The following BZW2 variants were observed in gnomAD, a reference collection of about 807,000 sequenced individuals.
The protein encoded by BZW2 is basic leucine zipper and W2 domains 2, also known as eIF5-mimic protein 1.
BZW2 carries 23 observed loss-of-function variants against 53.2 expected under a neutral mutation model. That is an observed-to-expected ratio of 0.43 (90% confidence interval 0.31 to 0.61). The LOEUF is 0.61. Among genes scored for constraint, BZW2 ranks in the 20% least tolerant of loss-of-function variants. The pLI, the probability that BZW2 is intolerant of heterozygous loss-of-function variation, is 0.09. For missense variants in BZW2, 409 were observed against 503.1 expected (o/e 0.81, Z 1.79); for synonymous variants, 227 against 186.4 (o/e 1.22, Z -1.77).
chr7:16,667,042 G>T (rs1205346533), intron 2 of BZW2, among the ~76,000 whole-genome samples: 2 of 152,162 alleles, frequency 1.3e-5, no homozygotes, highest in Admixed American at 6.5e-5. Context: ...CAACACTTTG[G>T]GAGGCCGAGG....
intron 6 of BZW2, among the ~76,000 whole-genome samples, chr7:16,688,171 A>C (rs553149845): frequency 6.6e-6 from 1 of 152,310 alleles, no homozygotes; most frequent in South Asian, 2.1e-4. Context: ...ATATAAGGAC[A>C]TGGATTTCTT....
Position 16,660,430 on chromosome 7 carries a change from C to T in BZW2, c.-7-5007C>T, listed in dbSNP as rs186601181. Reference sequence around the variant, plus strand: ...AAAAAAAAAAAAAGGTCTTTTTTTCCTAAAGTCTTAAACAGTATTGACTGC... The same window carrying T: ...AAAAAAAAAAAAAGGTCTTTTTTTCTTAAAGTCTTAAACAGTATTGACTGC... On this transcript the variant is annotated intron_variant, in intron 1 of 11. Transcript: ENST00000258761. Among the ~76,000 whole-genome samples, 395 of 149,818 alleles carry T rather than the reference C, an allele frequency of 2.6e-3. 2 individuals are homozygous for T. The highest frequency in any genetic ancestry group is 9.2e-3 in the African/African-American group (378 of 40,910).
intron 2 of BZW2, among the ~76,000 whole-genome samples, chr7:16,670,596 A>C (rs942885518): frequency 6.6e-6 from 1 of 152,182 alleles, no homozygotes; most frequent in African/African-American, 2.4e-5. Context: ...TCTTTTTTCA[A>C]CAAGGAAGGA....
intron 2 of BZW2, 21 bp from the exon 3 acceptor site, chr7:16,674,379 ATTTGACTGTTAT>A: frequency 6.8e-7 from 1 of 1,481,198 alleles, no homozygotes; most frequent in Non-Finnish European, 9.2e-7. Context: ...TTATTTATTT[ATTTGACTGTTAT>A]TTTGAATTGT....
At chr7:16,680,357 ATGT>A (rs1274017919) in intron 3 of BZW2, among the ~76,000 whole-genome samples, 1 of 152,222 alleles carries the variant, frequency 6.6e-6, no homozygotes, top group East Asian at 1.9e-4. Context: ...TACTGAATAA[ATGT>A]TGTTCTTTGC....
intron 4 of BZW2, among the ~76,000 whole-genome samples, chr7:16,682,506 A>T (rs1476899868): frequency 6.6e-6 from 1 of 152,112 alleles, no homozygotes; most frequent in African/African-American, 2.4e-5. Flanking sequence ...ACAGTTTAAA[A>T]ATCACATTTA....
At chr7:16,684,474 GAT>G (rs1167997976) in intron 5 of BZW2, among the ~76,000 whole-genome samples, 2 of 152,088 alleles carry the variant, frequency 1.3e-5, no homozygotes, top group African/African-American at 4.8e-5. Flanking sequence ...TTATTTTTAT[GAT>G]GATCTAATTT....
chr7:16,685,462 C>T (rs942595355), intron 5 of BZW2, among the ~76,000 whole-genome samples: 3 of 150,696 alleles, frequency 2.0e-5, no homozygotes, highest in Non-Finnish European at 2.9e-5. Context: ...ATGTTTTTGC[C>T]GTACAAATTC....
At chr7:16,696,316 C>T (rs1373053915) in intron 8 of BZW2, among the ~76,000 whole-genome samples, 4 of 152,126 alleles carry the variant, frequency 2.6e-5, no homozygotes, top group Non-Finnish European at 5.9e-5. Flanking sequence ...TATAAATTTG[C>T]ATATTTATAC....
chr7:16,701,533 A>T (rs1306185734), intron 10 of BZW2, among the ~76,000 whole-genome samples: 1 of 152,148 alleles, frequency 6.6e-6, no homozygotes, highest in Non-Finnish European at 1.5e-5. Flanking sequence ...GACATTCCTA[A>T]TAAAAAAATT....
intron 1 of BZW2, among the ~76,000 whole-genome samples, chr7:16,657,555 C>G (rs1168885916): frequency 6.6e-6 from 1 of 152,148 alleles, no homozygotes; most frequent in African/African-American, 2.4e-5. Context: ...TGCCCTTCCA[C>G]TAAATTGCAT....
chr7:16,663,433 C>CT (rs1192254925), intron 1 of BZW2, among the ~76,000 whole-genome samples: 7 of 151,982 alleles, frequency 4.6e-5, no homozygotes, highest in Non-Finnish European at 7.4e-5. Context: ...CATGTAATTA[C>CT]TTTTTTTGTT....
At chr7:16,658,762 C>A (rs1782179383) in intron 1 of BZW2, among the ~76,000 whole-genome samples, 1 of 151,916 alleles carries the variant, frequency 6.6e-6, no homozygotes, top group African/African-American at 2.4e-5. Context: ...GTAATCCCAG[C>A]TACTTGGGAG....
intron 7 of BZW2, among the ~76,000 whole-genome samples, chr7:16,690,534 G>A (rs564030588): frequency 6.9e-4 from 105 of 152,110 alleles, no homozygotes; most frequent in Admixed American, 1.5e-3. Context: ...ACATTTTAAG[G>A]TTTTAATATG....
At chr7:16,704,743 A>G in intron 11 of BZW2, 74 bp downstream of exon 11, 1 of 1,351,086 alleles carries the variant, frequency 7.4e-7, no homozygotes, top group Non-Finnish European at 9.7e-7. Context: ...TACCTCTTCC[A>G]CAGATTTTAC....
intron 1 of BZW2, among the ~76,000 whole-genome samples, chr7:16,653,494 C>A (rs986928284): frequency 1.3e-5 from 2 of 152,152 alleles, no homozygotes; most frequent in African/African-American, 4.8e-5. Flanking sequence ...ATTTTCATCT[C>A]CTGGTTCTCC....
intron 1 of BZW2, among the ~76,000 whole-genome samples, chr7:16,657,725 G>C (rs1166049097): frequency 6.6e-6 from 1 of 152,028 alleles, no homozygotes; most frequent in Admixed American, 6.6e-5. Flanking sequence ...GCAAATACGA[G>C]TAAGTAGTTC....
At chr7:16,669,460 T>C (rs1339343441) in intron 2 of BZW2, among the ~76,000 whole-genome samples, 2 of 152,242 alleles carry the variant, frequency 1.3e-5, no homozygotes, top group South Asian at 4.1e-4. Flanking sequence ...CTTTTAGCTT[T>C]ATAGTAAGTG....
At chr7:16,693,246 A>C (rs1048225239) in intron 7 of BZW2, among the ~76,000 whole-genome samples, 65 of 152,174 alleles carry the variant, frequency 4.3e-4, no homozygotes, top group African/African-American at 1.5e-3. Context: ...TGGTTTCTCT[A>C]AAAAAATACA....
Sources: allele counts gnomAD v4.1 joint callset (sites outside exome capture counted in the v4.1 genomes callset), GRCh38; gene constraint gnomAD v4.1.1; transcripts MANE v1.5; gene names NCBI Gene and HGNC (gene_info 2026-07-23, HGNC 2026-07-21).